ABCA6: variants seen among roughly 807,000 people sequenced by gnomAD.
ABCA6 encodes ATP binding cassette subfamily A member 6, also known as ATP-binding cassette sub-family A member 6.
A neutral mutation model predicts 191.2 loss-of-function variants in ABCA6; 164 were observed. The observed-to-expected ratio is 0.86, with a 90% CI of 0.76 to 0.98. The LOEUF (loss-of-function observed/expected upper bound fraction) is 0.98, where lower values mean the gene tolerates loss of function less well. Among genes scored for constraint, ABCA6 ranks in the 50% least tolerant of loss-of-function variants. ABCA6 has a pLI of 0.00. For synonymous variants in ABCA6, 636 were observed against 647.7 expected, an observed-to-expected ratio of 0.98 and a Z score of 0.27; for missense variants, 1,958 against 1,894.1, an observed-to-expected ratio of 1.03 and a Z score of -0.63.
At chr17:69,083,093 AG>A in intron 35 of ABCA6, 80 bp from the exon 36 acceptor site, 1 of 1,586,884 alleles carries the variant, frequency 6.3e-7, no homozygotes, top group South Asian at 1.2e-5. Context: ...CAAATGTAGA[AG>A]AAAAGGTGTC....
intron 12 of ABCA6, 92 bp from the exon 13 acceptor site, chr17:69,115,029 C>T: frequency 2.0e-6 from 2 of 989,558 alleles, no homozygotes; most frequent in Non-Finnish European, 1.5e-6. Context: ...CATATGTTCA[C>T]AAATGTCTAA....
chr17:69,127,632 G>A (rs2073777541), intron 8 of ABCA6, among the ~76,000 whole-genome samples: 1 of 152,100 alleles, frequency 6.6e-6, no homozygotes, highest in African/African-American at 2.4e-5. Context: ...AAATCCTGGT[G>A]AAGTGTTAGA....
chr17:69,137,130 T>C (rs2073961832), intron 3 of ABCA6, among the ~76,000 whole-genome samples, 166 bp downstream of exon 3: 1 of 152,208 alleles, frequency 6.6e-6, no homozygotes, highest in South Asian at 2.1e-4. Flanking sequence ...TTTCAAAGGC[T>C]AGTTGTTGTG....
chr17:69,084,202 A>C, intron 34 of ABCA6, 59 bp downstream of exon 34: 1 of 1,529,700 alleles, frequency 6.5e-7, no homozygotes, highest in Non-Finnish European at 9.0e-7. Context: ...AAGACCAGTT[A>C]AAATATGCAA....
In ABCA6 at chr17:69,123,412, T is replaced by C. The variant is rs2073688427; in HGVS notation, c.1268-5A>G. ...AATAATGGCGCTCATCTCCATCTAA[T>C]TAACCAAGAGGCAACAAAATATGAT... On this transcript the variant is annotated splice_region_variant and splice_polypyrimidine_tract_variant and intron_variant, in intron 9 of 38. Transcript: ENST00000284425. 2 of 1,463,964 alleles carry C rather than the reference T, an allele frequency of 1.4e-6. No homozygotes were observed. The highest frequency in any genetic ancestry group is 1.9e-5 in the Admixed American group (1 of 51,600). 90.7% of individuals were successfully genotyped at this position (1,463,964 alleles called of 1,614,324 possible).
intron 6 of ABCA6, among the ~76,000 whole-genome samples, chr17:69,132,663 A>G (rs2144714038): frequency 6.6e-6 from 1 of 152,230 alleles, no homozygotes; most frequent in Non-Finnish European, 1.5e-5. Flanking sequence ...TATTTGTAGT[A>G]GAGATGGGGT....
chr17:69,084,299 T>C lies in ABCA6; in HGVS notation c.4317A>G (p.Pro1439=). 1 of 1,614,184 alleles carries C rather than the reference T, an allele frequency of 6.2e-7. No homozygotes were observed. The highest frequency in any genetic ancestry group is 1.1e-5 in the South Asian group (1 of 91,080). ...GNSPVLLLDE[P]STGIDPTGQQ... is the part of the protein sequence containing the mutation. ...GCCCTGTGGGGTCTATGCCCGTAGA[T>C]GGTTCATCCAGGAGCAAGACAGGTG... is the stretch of plus-strand genomic sequence containing the variant. The change falls in exon 34 of 39, where the codon CCA becomes CCG. Residue 1439 remains proline, a synonymous_variant. Transcript: ENST00000284425.
At chr17:69,089,404 T>C in intron 27 of ABCA6, 61 bp downstream of exon 27, 1 of 1,477,536 alleles carries the variant, frequency 6.8e-7, no homozygotes, top group Non-Finnish European at 9.4e-7. Context: ...CAAGATCAAA[T>C]TGTTATAGTG....
intron 6 of ABCA6, among the ~76,000 whole-genome samples, chr17:69,130,656 G>C (rs2073846121): frequency 6.6e-6 from 1 of 152,080 alleles, no homozygotes. Flanking sequence ...AAATGTACAA[G>C]AGTGTTTCTA....
In ABCA6 at chr17:69,089,454, GC is replaced by G. The variant is rs1857560890; in HGVS notation, c.3606+10del. On this transcript the variant is annotated intron_variant, in intron 27 of 38. Coordinates refer to ENST00000284425, the MANE Select transcript of ABCA6 (RefSeq NM_080284.3). ...AAAAGAATGTGTGCTGAGGTGGAAA[GC>G]CCTTCTTACTATGAAGCAGACTAGA... 1 of 1,612,768 alleles carries G rather than the reference GC, an allele frequency of 6.2e-7. No individual in the cohort carries two copies. Among genetic ancestry groups the G allele is most frequent in the Non-Finnish European group, 8.5e-7 (1 of 1,179,186 alleles).
intron 6 of ABCA6, among the ~76,000 whole-genome samples, chr17:69,131,074 G>A (rs1213485668): frequency 6.6e-6 from 1 of 152,132 alleles, no homozygotes; most frequent in Non-Finnish European, 1.5e-5. Flanking sequence ...TTACAAATAA[G>A]GAAACTGCAA....
chr17:69,100,912 C>A lies in ABCA6; in HGVS notation c.2897G>T (p.Cys966Phe). 6.3e-7 allele frequency: 1 copy of A among 1,596,126 alleles called. No individual in the cohort carries two copies. The highest frequency in any genetic ancestry group is 8.6e-7 in the Non-Finnish European group (1 of 1,169,274). The change falls in exon 22 of 39, where the codon TGT becomes TTT. Residue 966 changes from cysteine to phenylalanine, a missense_variant. By Grantham distance (205) the Cys-to-Phe change is radical (BLOSUM62 -2). Coordinates refer to ENST00000284425, the MANE Select transcript of ABCA6 (RefSeq NM_080284.3). ...AAAACAGTGCAATCTCTTGGTATTA[C>A]ACACAACTGAAAATCTATAATCCTT... ...KQKDYRFSVV[C>F]NTKRLHCFPI...
At chr17:69,087,542 T>G in intron 28 of ABCA6, 69 bp from the exon 29 acceptor site, 1 of 1,575,682 alleles carries the variant, frequency 6.3e-7, no homozygotes, top group Non-Finnish European at 8.7e-7. Context: ...AAATCAGCAT[T>G]CCTGTGATTT....
At position 69,106,593 on chromosome 17, in the gene ABCA6, GA is replaced by G. The variant is rs57384424; in HGVS notation, c.2390-383del. ...AGGAGACAGAGCAAGACTCCATCTCGAAAAAAAAAAAAAAAAAAAGTTTTAC... is the reference window on the plus strand; with the variant it reads ...AGGAGACAGAGCAAGACTCCATCTCGAAAAAAAAAAAAAAAAAAGTTTTAC... On this transcript the variant is annotated intron_variant, in intron 18 of 38. Coordinates refer to ENST00000284425, the MANE Select transcript of ABCA6 (RefSeq NM_080284.3). Among the ~76,000 whole-genome samples the G allele has an allele frequency of 1.7e-3, 169 of 102,104 alleles. 1 individual carries two copies. The highest frequency in any genetic ancestry group is 6.0e-3 in the African/African-American group (153 of 25,382). 67.0% of individuals were successfully genotyped at this position (102,104 alleles called of 152,430 possible).
chr17:69,122,418 A>T (rs559796990), intron 10 of ABCA6, among the ~76,000 whole-genome samples: 29 of 152,190 alleles, frequency 1.9e-4, no homozygotes, highest in African/African-American at 6.0e-4. Flanking sequence ...CTGAGTTAGA[A>T]TCCCTGGCTA....
chr17:69,135,736 C>G, intron 4 of ABCA6: 1 of 375,520 alleles, frequency 2.7e-6, no homozygotes, highest in East Asian at 4.0e-5. Flanking sequence ...TTAGGAACCC[C>G]TGGTCTAAGT....
intron 15 of ABCA6, chr17:69,112,711 T>C (rs1284860603): frequency 6.3e-6 from 1 of 159,932 alleles, no homozygotes; most frequent in Middle Eastern, 3.0e-3. Flanking sequence ...GTACAATGTA[T>C]ATTATTTGGT....
Position 69,085,502 on chromosome 17 carries a change from T to C in ABCA6, c.4029+123A>G, listed in dbSNP as rs112895223. ...AGTAAAAATTTAAAGAGGGGAAAAA[T>C]AAAATTTATCCAAAGGCAAAAAAAA... On this transcript the variant is annotated intron_variant, in intron 31 of 38. Transcript: ENST00000284425. 1.5e-3 allele frequency: 878 copies of C among 579,972 alleles called. 10 individuals are homozygous for C. In the African/African-American group the frequency reaches 0.034, roughly 23 times the overall value. 35.9% of individuals were successfully genotyped at this position (579,972 alleles called of 1,614,324 possible).
Position 69,113,317 on chromosome 17 carries a change from G to T in ABCA6, c.1946C>A (p.Ser649Tyr). The T allele has an allele frequency of 6.3e-7, 1 of 1,594,484 alleles. No individual in the cohort carries two copies. ...CAGGAGGCTCCACACTTGATCTCTGGAAAAGGGATCCAATCCAGTAGTTGG... is the reference window on the plus strand; with the variant it reads ...CAGGAGGCTCCACACTTGATCTCTGTAAAAGGGATCCAATCCAGTAGTTGG... ...DEPTTGLDPF[S>Y]RDQVWSLLRE... The change falls in exon 15 of 39, where the codon TCC (serine) becomes TAC (tyrosine). Residue 649 changes from serine (S) to tyrosine (Y), a missense_variant. Transcript: ENST00000284425.
Sources: allele counts gnomAD v4.1 joint callset (sites outside exome capture counted in the v4.1 genomes callset), GRCh38; gene constraint gnomAD v4.1.1; transcripts MANE v1.5; gene names NCBI Gene and HGNC (gene_info 2026-07-23, HGNC 2026-07-21).